Variants in GPC3 observed in about 807,000 individuals in gnomAD.
GPC3 encodes the protein glypican-3.
GPC3 carries 3 observed loss-of-function variants against 34.4 expected under a neutral mutation model. The ratio of observed to expected loss-of-function variants is 0.09; its 90% CI spans 0.04 to 0.23. The LOEUF (loss-of-function observed/expected upper bound fraction) is 0.23. Ranked by LOEUF, GPC3 falls within the 10% of genes least tolerant of loss-of-function variation. The pLI is 1.00. For synonymous variants in GPC3, 177 were observed against 174.0 expected (o/e 1.02, Z -0.13); for missense variants, 351 against 445.6 (o/e 0.79, Z 1.91).
At chrX:133,609,140 T>G (rs1033232078) in intron 6 of GPC3, among the ~76,000 whole-genome samples, 1 of 112,459 alleles carries the variant, frequency 8.9e-6, no homozygotes, top group Admixed American at 9.4e-5. Context: ...CTCAGGTCAT[T>G]CTTTTAAATA....
At chrX:133,769,995 T>C (rs1026810405) in intron 2 of GPC3, among the ~76,000 whole-genome samples, 3 of 112,030 alleles carry the variant, frequency 2.7e-5, no homozygotes, top group Admixed American at 9.4e-5. Flanking sequence ...ACAATCACAG[T>C]TGGGTGCAGT....
intron 2 of GPC3, among the ~76,000 whole-genome samples, chrX:133,793,190 C>T (rs896553912): frequency 1.8e-5 from 2 of 111,234 alleles, no homozygotes; most frequent in Non-Finnish European, 3.8e-5. Flanking sequence ...TTAATTAAAA[C>T]GCTATACACA....
At chrX:133,630,195 C>T (rs2070350918) in intron 6 of GPC3, among the ~76,000 whole-genome samples, 1 of 112,167 alleles carries the variant, frequency 8.9e-6, no homozygotes. Context: ...AGGTTCAACA[C>T]AGTAAGGAAT....
intron 4 of GPC3, among the ~76,000 whole-genome samples, chrX:133,694,624 C>T (rs2124433077): frequency 9.1e-6 from 1 of 109,775 alleles, no homozygotes; most frequent in South Asian, 4.0e-4. Flanking sequence ...AAACAATGGC[C>T]CTCTCTTAAA....
chrX:133,622,777 G>T (rs1051968596), intron 6 of GPC3, among the ~76,000 whole-genome samples: 2 of 111,694 alleles, frequency 1.8e-5, no homozygotes, highest in Non-Finnish European at 3.8e-5. Flanking sequence ...CCCCAACCTA[G>T]CAAGGCAGGC....
intron 6 of GPC3, among the ~76,000 whole-genome samples, chrX:133,641,784 G>C (rs913419199): frequency 2.7e-5 from 3 of 112,029 alleles, no homozygotes; most frequent in African/African-American, 9.7e-5. Context: ...TTTCTGTGCT[G>C]AGAAACAGCT....
intron 2 of GPC3, among the ~76,000 whole-genome samples, chrX:133,838,670 A>T (rs1434758648): frequency 8.9e-6 from 1 of 112,038 alleles, no homozygotes; most frequent in Non-Finnish European, 1.9e-5. Flanking sequence ...GGATTCAGTA[A>T]TTTGCTTTAT....
chrX:133,903,150 C>CAAAAA (rs61507100), intron 2 of GPC3, among the ~76,000 whole-genome samples: 12 of 88,383 alleles, frequency 1.4e-4, no homozygotes, highest in African/African-American at 4.1e-4. Flanking sequence ...GACTCTGTCT[C>CAAAAA]AAAAAAAAAA....
chrX:133,853,557 G>A (rs1423986302), intron 2 of GPC3, among the ~76,000 whole-genome samples: 1 of 112,152 alleles, frequency 8.9e-6, no homozygotes, highest in African/African-American at 3.2e-5. Flanking sequence ...TAACAACACA[G>A]CTTTGGTAAT....
At chrX:133,824,776 T>TA (rs769200799) in intron 2 of GPC3, among the ~76,000 whole-genome samples, 1 of 111,066 alleles carries the variant, frequency 9.0e-6, no homozygotes, top group Non-Finnish European at 1.9e-5. Flanking sequence ...AATTTAAAAT[T>TA]AAAAAAAAAG....
chrX:133,646,081 G>GA (rs2070541890), intron 6 of GPC3, among the ~76,000 whole-genome samples: 3 of 56,514 alleles, frequency 5.3e-5, no homozygotes, highest in Admixed American at 3.6e-4. Flanking sequence ...AGAAAACAAA[G>GA]ACAAAAAAAA....
At chrX:133,849,918 A>C (rs1468290762) in intron 2 of GPC3, among the ~76,000 whole-genome samples, 2 of 111,949 alleles carry the variant, frequency 1.8e-5, no homozygotes, top group African/African-American at 6.5e-5. Flanking sequence ...CTGAGTGCTA[A>C]TGTTTAATGA....
chrX:133,647,622 A>C (rs2070557630), intron 6 of GPC3, among the ~76,000 whole-genome samples: 1 of 112,437 alleles, frequency 8.9e-6, no homozygotes, highest in Non-Finnish European at 1.9e-5. Context: ...GAAGGTATGG[A>C]GAAGGCGAAC....
At chrX:133,644,450 T>C (rs1395421820) in intron 6 of GPC3, among the ~76,000 whole-genome samples, 1 of 112,149 alleles carries the variant, frequency 8.9e-6, no homozygotes, top group Non-Finnish European at 1.9e-5. Flanking sequence ...CAGTGGATAT[T>C]ATTAATCAGA....
At chrX:133,616,774 T>C (rs1042970663) in intron 6 of GPC3, among the ~76,000 whole-genome samples, 2 of 106,128 alleles carry the variant, frequency 1.9e-5, no homozygotes, top group Admixed American at 1.0e-4. Flanking sequence ...CTCGGCTCAC[T>C]GCAAGCTCTG....
chrX:133,650,880 G>A (rs1370774691), intron 6 of GPC3, among the ~76,000 whole-genome samples: 7 of 111,605 alleles, frequency 6.3e-5, no homozygotes, highest in African/African-American at 2.3e-4. Flanking sequence ...CACAGATTAG[G>A]AAGCATGAGT....
intron 1 of GPC3, among the ~76,000 whole-genome samples, chrX:133,984,945 C>A (rs2076559586): frequency 9.0e-6 from 1 of 111,325 alleles, no homozygotes; most frequent in Admixed American, 9.5e-5. Context: ...GGCTGTGGGG[C>A]GCCAGTTCGC....
chrX:133,910,093 T>C (rs2076190610), intron 2 of GPC3, among the ~76,000 whole-genome samples: 1 of 110,617 alleles, frequency 9.0e-6, no homozygotes, highest in African/African-American at 3.3e-5. Context: ...CCCTACTCCA[T>C]CCTTCATCTC....
chrX:133,805,895 C>T (rs1042779465), intron 2 of GPC3, among the ~76,000 whole-genome samples: 1 of 111,709 alleles, frequency 9.0e-6, no homozygotes. Flanking sequence ...AGTATTTGAT[C>T]GAACCATAAC....
Sources: allele counts gnomAD v4.1 joint callset (sites outside exome capture counted in the v4.1 genomes callset), GRCh38; gene constraint gnomAD v4.1.1; transcripts MANE v1.5; gene names NCBI Gene and HGNC (gene_info 2026-07-23, HGNC 2026-07-21).